CNTN1: variants seen among roughly 807,000 people sequenced by gnomAD.
The protein encoded by CNTN1 is contactin-1.
CNTN1 carries 38 observed loss-of-function variants against 126.4 expected under a neutral mutation model. The observed-to-expected ratio is 0.30, with a 90% confidence interval of 0.23 to 0.39. The LOEUF (loss-of-function observed/expected upper bound fraction) is 0.39, where lower values mean the gene tolerates loss of function less well. CNTN1 is among the 10% of genes least tolerant of loss of function. The probability of loss-of-function intolerance (pLI) is 1.00; values close to 1 mark genes in which losing one functional copy is unlikely to be tolerated. For synonymous variants in CNTN1, 413 were observed against 422.6 expected, an observed-to-expected ratio of 0.98 and a Z score of 0.28; for missense variants, 1,009 against 1,248.4, an observed-to-expected ratio of 0.81 and a Z score of 2.89.
chr12:40,995,572 A>C (rs1948192857), intron 17 of CNTN1, among the ~76,000 whole-genome samples: 1 of 152,064 alleles, frequency 6.6e-6, no homozygotes, highest in African/African-American at 2.4e-5. Flanking sequence ...TTTAGGCATC[A>C]CCTCTTACAT....
intron 14 of CNTN1, among the ~76,000 whole-genome samples, chr12:40,952,352 A>C (rs1165053133): frequency 1.3e-5 from 2 of 152,142 alleles, no homozygotes; most frequent in African/African-American, 4.8e-5. Context: ...TAGGGCTATG[A>C]AATTATAAAT....
At chr12:40,906,050 C>A (rs190858603) in intron 1 of CNTN1, among the ~76,000 whole-genome samples, 1 of 152,040 alleles carries the variant, frequency 6.6e-6, no homozygotes, top group Non-Finnish European at 1.5e-5. Flanking sequence ...CCGAGGCGGG[C>A]GGATCACGAG....
At chr12:40,753,495 A>G (rs1332171317) in intron 1 of CNTN1, among the ~76,000 whole-genome samples, 1 of 152,112 alleles carries the variant, frequency 6.6e-6, no homozygotes, top group Non-Finnish European at 1.5e-5. Flanking sequence ...ATCATGGCGG[A>G]AGGGGAAGCA....
rs868543007 is a variant in CNTN1 at position 40,692,971 on chromosome 12, C to G, written c.-77+379C>G. 3.9e-5 allele frequency among the ~76,000 whole-genome samples: 6 copies of G among 152,322 alleles called. No individual in the cohort carries two copies. In the Middle Eastern group the frequency reaches 0.01, roughly 259 times the overall value. On this transcript the variant is annotated intron_variant, in intron 1 of 23. Transcript: ENST00000551295. ...TGGGGAAGCAGAGAGGTCGGCAGCC[C>G]GGGGCCTGCAGGTCTTTTTCTCCCG... is the stretch of plus-strand genomic sequence containing the variant.
intron 9 of CNTN1, 102 bp downstream of exon 9, chr12:40,933,980 A>C (rs967643934): frequency 7.0e-6 from 6 of 857,638 alleles, no homozygotes; most frequent in Non-Finnish European, 1.1e-5. Flanking sequence ...GGTTTTAAAA[A>C]CAGTGATGCA....
chr12:40,767,697 G>T (rs1311410575), intron 1 of CNTN1, among the ~76,000 whole-genome samples: 4 of 151,774 alleles, frequency 2.6e-5, no homozygotes, highest in Non-Finnish European at 5.9e-5. Flanking sequence ...GCAGTGGAGC[G>T]ATCTCGGCTC....
At chr12:41,038,764 T>A (rs2120927583) in intron 23 of CNTN1, among the ~76,000 whole-genome samples, 1 of 152,068 alleles carries the variant, frequency 6.6e-6, no homozygotes, top group South Asian at 2.1e-4. Flanking sequence ...TATATAGCAA[T>A]ACATAAAGTT....
In CNTN1 at chr12:41,019,110, C is replaced by T. The variant is rs190759272; in HGVS notation, c.2420-1227C>T. On this transcript the variant is annotated intron_variant, in intron 19 of 23. Transcript: ENST00000551295. ...GGTGGAGGTTGTGGTGAACCGAGAT[C>T]GCGCCATTGCACTCCAGCCTGGGCA... 4.1e-4 allele frequency among the ~76,000 whole-genome samples: 63 copies of T among 152,188 alleles called. No homozygotes were observed. In the East Asian group the frequency reaches 0.01, roughly 25 times the overall value.
rs918386576 is a variant in CNTN1 at position 40,971,913 on chromosome 12, A to G, written c.1805-8996A>G. ...ACTGTTTGATTTATTCAAGCAGGTA[A>G]TGAACAATGTTGTCAAACTCTCTAA... On this transcript the variant is annotated intron_variant, in intron 15 of 23. Coordinates refer to ENST00000551295, the MANE Select transcript of CNTN1 (RefSeq NM_001843.4). 2.9e-6 allele frequency: 3 copies of G among 1,044,270 alleles called. No individual in the cohort carries two copies. The African/African-American group carries it at 5.2e-5, about 18-fold the overall frequency. The allele number at this position is 1,044,270 out of a possible 1,614,324, so 64.7% of individuals were successfully genotyped here.
chr12:41,023,966 T>G (rs1325071802), intron 20 of CNTN1, among the ~76,000 whole-genome samples: 1 of 152,150 alleles, frequency 6.6e-6, no homozygotes, highest in African/African-American at 2.4e-5. Context: ...GCTATTTGTC[T>G]TGTTGGCAAC....
intron 1 of CNTN1, among the ~76,000 whole-genome samples, chr12:40,813,207 G>GT (rs1555162876): frequency 3.0e-4 from 33 of 108,498 alleles, no homozygotes; most frequent in Non-Finnish European, 3.8e-5. Flanking sequence ...AATAATTTCA[G>GT]TTTTTTCTTA....
intron 1 of CNTN1, among the ~76,000 whole-genome samples, chr12:40,836,959 A>G (rs1565808094): frequency 6.6e-6 from 1 of 152,210 alleles, no homozygotes; most frequent in Non-Finnish European, 1.5e-5. Context: ...CCATATCACC[A>G]TAATTTTGCT....
intron 23 of CNTN1, among the ~76,000 whole-genome samples, chr12:41,040,776 C>A (rs1949385658): frequency 1.3e-5 from 2 of 150,492 alleles, no homozygotes; most frequent in Admixed American, 6.6e-5. Flanking sequence ...TATCCTGAGA[C>A]TTTGCTGAAG....
chr12:40,832,940 G>T (rs1033483672), intron 1 of CNTN1, among the ~76,000 whole-genome samples: 2 of 152,096 alleles, frequency 1.3e-5, no homozygotes, highest in Non-Finnish European at 2.9e-5. Context: ...GTTCGTTCTG[G>T]TGAAAACCAC....
intron 23 of CNTN1, among the ~76,000 whole-genome samples, chr12:41,032,469 C>G (rs1949167923): frequency 6.6e-6 from 1 of 151,950 alleles, no homozygotes; most frequent in South Asian, 2.1e-4. Flanking sequence ...ATAATCCACC[C>G]TCTCTCTCAT....
chr12:40,965,624 C>A (rs1214221300), intron 15 of CNTN1, among the ~76,000 whole-genome samples: 1 of 151,928 alleles, frequency 6.6e-6, no homozygotes, highest in South Asian at 2.1e-4. Flanking sequence ...ATCATTAATT[C>A]TTGGATTATT....
intron 1 of CNTN1, among the ~76,000 whole-genome samples, chr12:40,846,568 TCAAGTCTC>T (rs1298466818): frequency 6.6e-6 from 1 of 152,160 alleles, no homozygotes; most frequent in African/African-American, 2.4e-5. Flanking sequence ...TTCACCAGAG[TCAAGTCTC>T]CACCACAACA....
intron 1 of CNTN1, among the ~76,000 whole-genome samples, chr12:40,743,780 CTTTAG>C (rs1296832526): frequency 3.9e-5 from 6 of 151,970 alleles, no homozygotes; most frequent in African/African-American, 1.2e-4. Context: ...GTGCAGAGTT[CTTTAG>C]TTTAATTAAG....
intron 14 of CNTN1, among the ~76,000 whole-genome samples, chr12:40,946,153 TC>T (rs1946427209): frequency 6.6e-6 from 1 of 152,142 alleles, no homozygotes. Context: ...AATGAAGCTA[TC>T]CCTGGCACCT....
Sources: allele counts gnomAD v4.1 joint callset (sites outside exome capture counted in the v4.1 genomes callset), GRCh38; gene constraint gnomAD v4.1.1; transcripts MANE v1.5; gene names NCBI Gene and HGNC (gene_info 2026-07-23, HGNC 2026-07-21).